LRRC37B: variants seen among roughly 807,000 people sequenced by gnomAD.
LRRC37B encodes leucine rich repeat containing 37B, also known as leucine-rich repeat-containing protein 37B.
A neutral mutation model predicts 98.3 loss-of-function variants in LRRC37B; 28 were observed. The observed-to-expected ratio is 0.28, with a 90% CI of 0.21 to 0.39. LRRC37B has a LOEUF of 0.39. Among genes scored for constraint, LRRC37B ranks in the 10% least tolerant of loss-of-function variants. The pLI is 1.00. For synonymous variants in LRRC37B, 364 were observed against 442.7 expected, an observed-to-expected ratio of 0.82 and a Z score of 2.23; for missense variants, 938 against 1,182.7, an observed-to-expected ratio of 0.79 and a Z score of 3.03.
intron 7 of LRRC37B, among the ~76,000 whole-genome samples, chr17:32,038,357 G>C (rs923327508): frequency 1.3e-5 from 2 of 152,102 alleles, no homozygotes; most frequent in Admixed American, 6.5e-5. Context: ...TACACGGGAA[G>C]CTGAGGTGGG....
At chr17:32,022,314 C>T in exon 1 of LRRC37B, 1 of 1,613,984 alleles carries the variant, frequency 6.2e-7, no homozygotes, top group Non-Finnish European at 8.5e-7. Context: ...TACAGATCCT[C>T]CTCCAGAACA....
chr17:32,049,265 G>T (rs1911680202), exon 10 of LRRC37B: 1 of 1,613,374 alleles, frequency 6.2e-7, no homozygotes, highest in South Asian at 1.1e-5. Context: ...CAGGCCTCCT[G>T]ATGAAGCTTC....
At chr17:32,027,411 AAG>A (rs1910991678) in intron 2 of LRRC37B, among the ~76,000 whole-genome samples, 1 of 102,344 alleles carries the variant, frequency 9.8e-6, no homozygotes, top group Non-Finnish European at 2.0e-5. Context: ...GTGTGCTTGC[AAG>A]TGTGTGTGCG....
upstream of LRRC37B, among the ~76,000 whole-genome samples, chr17:32,019,751 A>G (rs1416461501): frequency 6.6e-6 from 1 of 152,250 alleles, no homozygotes; most frequent in Admixed American, 6.5e-5. Context: ...TAAGAAGTCT[A>G]GCTTCCTGTG....
intron 7 of LRRC37B, among the ~76,000 whole-genome samples, chr17:32,039,600 A>T (rs1598210843): frequency 7.6e-6 from 1 of 131,998 alleles, no homozygotes; most frequent in Non-Finnish European, 1.6e-5. Context: ...ATTTATATAT[A>T]TTATATATAT....
intron 7 of LRRC37B, chr17:32,041,776 C>T (rs1424731010): frequency 1.7e-5 from 8 of 458,162 alleles, no homozygotes; most frequent in Admixed American, 7.0e-5. Flanking sequence ...CACTCCATGG[C>T]GCCGGCCTCC....
chr17:32,024,645 T>C (rs1910891817), intron 1 of LRRC37B, 66 bp from the exon 5 acceptor site: 6 of 1,605,158 alleles, frequency 3.7e-6, no homozygotes, highest in Non-Finnish European at 5.1e-6. Context: ...GTTGCCATGA[T>C]TCTTTTATTT....
intron 7 of LRRC37B, among the ~76,000 whole-genome samples, chr17:32,036,867 T>C (rs1484091972): frequency 6.6e-6 from 1 of 152,112 alleles, no homozygotes; most frequent in Non-Finnish European, 1.5e-5. Context: ...ACATGCTTAG[T>C]GTATATTTAA....
At chr17:32,014,508 C>G (rs960552336) in intron 1 of LRRC37B, among the ~76,000 whole-genome samples, 4 of 152,146 alleles carry the variant, frequency 2.6e-5, no homozygotes, top group African/African-American at 9.7e-5. Context: ...AATGTATAAG[C>G]AGGTCTTTAG....
chr17:32,051,836 G>A (rs1911769806), intron 11 of LRRC37B: 1 of 152,244 alleles, frequency 6.6e-6, no homozygotes. Context: ...TCTTGTTAAT[G>A]TCTTTCAGAA....
chr17:32,035,467 A>G, intron 6 of LRRC37B, 98 bp from the exon 10 acceptor site: 1 of 1,326,696 alleles, frequency 7.5e-7, no homozygotes, highest in Non-Finnish European at 1.1e-6. Context: ...TTTATAGAGA[A>G]GCCAAAATAG....
At chr17:32,035,774 T>A in intron 7 of LRRC37B, 135 bp downstream of exon 10, 1 of 968,814 alleles carries the variant, frequency 1.0e-6, no homozygotes. Flanking sequence ...GTTTGATGAG[T>A]TTTGACAAAT....
intron 5 of LRRC37B, among the ~76,000 whole-genome samples, chr17:32,033,646 A>G (rs1364500594): frequency 6.6e-6 from 1 of 152,232 alleles, no homozygotes; most frequent in Non-Finnish European, 1.5e-5. Flanking sequence ...AATACGTAGC[A>G]GCCTAATAGA....
chr17:32,044,296 C>T lies in LRRC37B; in HGVS notation c.2205-1404C>T, dbSNP rs149290443. Reference sequence around the variant, plus strand: ...ATGCCAGAAAGATGAAAGAATACTACAGAATCCAGTCAAAGATCAGGCACT... The same window carrying T: ...ATGCCAGAAAGATGAAAGAATACTATAGAATCCAGTCAAAGATCAGGCACT... On this transcript the variant is annotated intron_variant, in intron 7 of 11. Transcript: ENST00000327564. 2.7e-3 allele frequency among the ~76,000 whole-genome samples: 404 copies of T among 152,284 alleles called. 2 individuals are homozygous for T. Among genetic ancestry groups the T allele is most frequent in the African/African-American group, 8.6e-3 (357 of 41,550 alleles).
intron 5 of LRRC37B, chr17:32,034,146 G>A (rs1911178401): frequency 6.6e-6 from 1 of 151,934 alleles, no homozygotes; most frequent in Admixed American, 6.6e-5. Flanking sequence ...CAAAAGAATT[G>A]GTCCTATTTT....
At chr17:32,049,531 T>C (rs1911687745) in intron 10 of LRRC37B, 137 bp downstream of exon 13, 1 of 747,204 alleles carries the variant, frequency 1.3e-6, no homozygotes, top group Non-Finnish European at 2.2e-6. Context: ...GACAGTGATC[T>C]CCCACTTTGC....
At chr17:32,051,453 C>A (rs1911754544) in intron 11 of LRRC37B, 1 of 150,234 alleles carries the variant, frequency 6.7e-6, no homozygotes, top group East Asian at 1.9e-4. Context: ...TGCACTCCAG[C>A]CTGGGGGACA....
At chr17:32,052,005 A>ATT (rs1234385663) in intron 11 of LRRC37B, 1 of 151,452 alleles carries the variant, frequency 6.6e-6, no homozygotes, top group Non-Finnish European at 1.5e-5. Context: ...TCTGAAAAGC[A>ATT]TTTGAGGTTT....
intron 7 of LRRC37B, chr17:32,040,412 G>A: frequency 1.9e-6 from 1 of 527,818 alleles, no homozygotes; most frequent in East Asian, 4.3e-5. Context: ...GGTCCGGGCG[G>A]AGGTTCTGCG....
Sources: gnomAD v4.1 joint callset for allele counts (sites outside exome capture counted in the v4.1 genomes callset) on GRCh38, gnomAD v4.1.1 for gene constraint, MANE v1.5 for transcripts, NCBI Gene and HGNC (gene_info 2026-07-23, HGNC 2026-07-21) for gene names.